Variants in SOX5 observed in about 807,000 individuals in gnomAD.
SOX5 encodes the protein transcription factor SOX-5.
In SOX5, 9 loss-of-function variants were observed where a neutral mutation model predicts 92.0. That is an observed-to-expected ratio of 0.10 (90% confidence interval 0.06 to 0.17). SOX5 has a LOEUF of 0.17. Ranked by LOEUF, SOX5 falls within the 10% of genes least tolerant of loss-of-function variation. SOX5 has a pLI of 1.00. For synonymous variants in SOX5, 344 were observed against 336.3 expected, an observed-to-expected ratio of 1.02 and a Z score of -0.25; for missense variants, 642 against 944.5, an observed-to-expected ratio of 0.68 and a Z score of 4.20.
intron 6 of SOX5, among the ~76,000 whole-genome samples, chr12:23,683,766 C>T (rs888957148): frequency 5.3e-5 from 8 of 152,002 alleles, no homozygotes; most frequent in Non-Finnish European, 7.4e-5. Flanking sequence ...ATTTTGTATG[C>T]ATCTGCTGAC....
At chr12:24,307,360 T>G (rs1347352230) in intron 2 of SOX5, among the ~76,000 whole-genome samples, 1 of 152,126 alleles carries the variant, frequency 6.6e-6, no homozygotes, top group African/African-American at 2.4e-5. Context: ...TATACTTGTA[T>G]ACACAGACTC....
chr12:23,655,549 C>T (rs553704263), intron 7 of SOX5, among the ~76,000 whole-genome samples: 2 of 152,224 alleles, frequency 1.3e-5, no homozygotes, highest in Admixed American at 1.3e-4. Flanking sequence ...TTATTTCCCA[C>T]TTTTAATATT....
At chr12:23,958,909 T>A (rs1169394695) in intron 4 of SOX5, among the ~76,000 whole-genome samples, 1 of 151,880 alleles carries the variant, frequency 6.6e-6, no homozygotes, top group Non-Finnish European at 1.5e-5. Flanking sequence ...ATCTTTCATA[T>A]ATATGATAAC....
intron 2 of SOX5, among the ~76,000 whole-genome samples, chr12:24,301,856 A>C (rs1947994270): frequency 6.6e-6 from 1 of 152,184 alleles, no homozygotes; most frequent in Admixed American, 6.5e-5. Flanking sequence ...TTAACACACT[A>C]AGAATATTTT....
chr12:23,564,354 A>T (rs910282398), intron 10 of SOX5, among the ~76,000 whole-genome samples: 13 of 152,240 alleles, frequency 8.5e-5, no homozygotes, highest in Non-Finnish European at 1.8e-4. Flanking sequence ...AAAAGCTAAT[A>T]TCTCATCTTT....
At chr12:24,229,325 C>G (rs937573109) in intron 3 of SOX5, among the ~76,000 whole-genome samples, 1 of 152,022 alleles carries the variant, frequency 6.6e-6, no homozygotes, top group Non-Finnish European at 1.5e-5. Flanking sequence ...TGCCAAGTGT[C>G]GAACTGAGAA....
intron 3 of SOX5, among the ~76,000 whole-genome samples, chr12:24,237,134 TAGTGGG>T (rs1964673727): frequency 6.6e-6 from 1 of 152,226 alleles, no homozygotes; most frequent in Non-Finnish European, 1.5e-5. Context: ...TTTACCATGT[TAGTGGG>T]TATGAATAAA....
Position 23,684,636 on chromosome 12 carries a change from A to G in SOX5, c.811-19072T>C, listed in dbSNP as rs2087203718. Among the ~76,000 whole-genome samples the G allele has an allele frequency of 2.0e-5, 3 of 152,230 alleles. No homozygotes were observed. The South Asian group carries it at 6.2e-4, about 31-fold the overall frequency. On this transcript the variant is annotated intron_variant, in intron 6 of 14. Coordinates refer to ENST00000451604, the MANE Select transcript of SOX5 (RefSeq NM_006940.6). ...ATAGGCCTATAGAAAAATGTACTTT[A>G]AAAACATTTAATAAATGATCCTGAT... is the stretch of plus-strand genomic sequence containing the variant.
intron 1 of SOX5, among the ~76,000 whole-genome samples, chr12:23,897,577 G>A (rs753046213): frequency 3.3e-5 from 5 of 152,042 alleles, no homozygotes; most frequent in Non-Finnish European, 7.4e-5. Flanking sequence ...ATAATAGCCC[G>A]TGTTTATTTA....
rs1021146967 is a variant in SOX5 at position 23,967,389 on chromosome 12, C to A, written c.-1-71365G>T. On this transcript the variant is annotated intron_variant, in intron 4 of 4. Transcript: ENST00000446891. ...CACAAATAGAAAATATAAAAAGTAACTAAATATGCAAAATATTTTAAGTTA... is the reference window on the plus strand; with the variant it reads ...CACAAATAGAAAATATAAAAAGTAAATAAATATGCAAAATATTTTAAGTTA... Among the ~76,000 whole-genome samples the A allele has an allele frequency of 2.0e-5, 3 of 151,936 alleles. No individual in the cohort carries two copies. The South Asian group carries it at 6.2e-4, about 32-fold the overall frequency.
intron 3 of SOX5, among the ~76,000 whole-genome samples, chr12:24,252,084 C>T (rs974013366): frequency 6.6e-6 from 1 of 152,044 alleles, no homozygotes; most frequent in Non-Finnish European, 1.5e-5. Flanking sequence ...GAACAAATCT[C>T]AACAGTGAAG....
At chr12:24,284,277 C>A (rs1387855207) in intron 2 of SOX5, among the ~76,000 whole-genome samples, 1 of 152,144 alleles carries the variant, frequency 6.6e-6, no homozygotes, top group Non-Finnish European at 1.5e-5. Context: ...TCTTTCTTTG[C>A]CCATACCCTG....
intron 3 of SOX5, among the ~76,000 whole-genome samples, chr12:23,805,408 T>A (rs915823892): frequency 3.9e-5 from 6 of 151,958 alleles, no homozygotes; most frequent in African/African-American, 1.4e-4. Flanking sequence ...CTAAAAGAGA[T>A]AAAACATGTA....
At chr12:24,406,078 G>C (rs951071651) in intron 1 of SOX5, among the ~76,000 whole-genome samples, 2 of 152,130 alleles carry the variant, frequency 1.3e-5, no homozygotes, top group Non-Finnish European at 2.9e-5. Context: ...AGCTGGGCTA[G>C]GAGCAGCTCT....
chr12:23,665,410 A>G (rs1191967409), intron 7 of SOX5, 34 bp downstream of exon 7: 1 of 1,611,540 alleles, frequency 6.2e-7, no homozygotes, highest in Admixed American at 1.7e-5. Flanking sequence ...TTTGCCCTCC[A>G]CCCACTCCCA....
chr12:24,259,980 A>G (rs1354664628), intron 3 of SOX5, among the ~76,000 whole-genome samples: 2 of 152,216 alleles, frequency 1.3e-5, no homozygotes, highest in African/African-American at 2.4e-5. Flanking sequence ...AGAAGTGGTA[A>G]TAAGAGTAAA....
At chr12:23,797,756 T>C (rs1357968958) in intron 3 of SOX5, among the ~76,000 whole-genome samples, 1 of 152,102 alleles carries the variant, frequency 6.6e-6, no homozygotes. Context: ...AAGCTTCCAA[T>C]AGCTTTCACT....
Position 24,443,318 on chromosome 12 carries a change from C to A in SOX5, c.-250-74679G>T, listed in dbSNP as rs74345618. 4.6e-3 allele frequency among the ~76,000 whole-genome samples: 706 copies of A among 152,102 alleles called. 11 individuals are homozygous for A. In the East Asian group the frequency reaches 0.051, roughly 11 times the overall value. On this transcript the variant is annotated intron_variant, in intron 1 of 4. Coordinates refer to the SOX5 transcript ENST00000446891. ...ATCATGTACAATAATAGGACAGGCCCCAGAAGTAAAGATGGACATGAGATT... is the reference window on the plus strand; with the variant it reads ...ATCATGTACAATAATAGGACAGGCCACAGAAGTAAAGATGGACATGAGATT...
rs532314252 is a variant in SOX5, at chr12:23,671,364, A to G, written c.811-5800T>C. ...CAAATACACATCATCCTTAGGGATC[A>G]GTTCACCTACAGCTGAAATTCAGTC... On this transcript the variant is annotated intron_variant, in intron 6 of 14. Transcript: ENST00000451604. Among the ~76,000 whole-genome samples the G allele has an allele frequency of 1.1e-4, 17 of 152,344 alleles. No individual in the cohort carries two copies. In the South Asian group the frequency reaches 1.4e-3, roughly 13 times the overall value.
Sources: allele counts gnomAD v4.1 joint callset (sites outside exome capture counted in the v4.1 genomes callset), GRCh38; gene constraint gnomAD v4.1.1; transcripts MANE v1.5; gene names NCBI Gene and HGNC (gene_info 2026-07-23, HGNC 2026-07-21).